The following RIT2 variants were observed in gnomAD, a reference collection of about 807,000 sequenced individuals.
RIT2 encodes the protein Ras like without CAAX 2.
In RIT2, 24 loss-of-function variants were observed where a neutral mutation model predicts 23.7. The observed-to-expected ratio is 1.01, with a 90% CI of 0.73 to 1.43. The LOEUF (loss-of-function observed/expected upper bound fraction) is 1.43, where lower values mean the gene tolerates loss of function less well. Among genes scored for constraint, RIT2 ranks in the 40% most tolerant of loss-of-function variants. The probability of loss-of-function intolerance (pLI) is 0.00; values close to 1 mark genes in which losing one functional copy is unlikely to be tolerated. For missense variants in RIT2, 236 were observed against 266.9 expected (o/e 0.88, Z 0.81); for synonymous variants, 107 against 91.1 (o/e 1.17, Z -0.99).
At chr18:42,855,049 C>A (rs541899302) in intron 4 of RIT2, among the ~76,000 whole-genome samples, 1 of 152,290 alleles carries the variant, frequency 6.6e-6, no homozygotes, top group Non-Finnish European at 1.5e-5. Flanking sequence ...GGAGAGTCAA[C>A]ATCCAACAAT....
At chr18:43,107,416 C>T (rs534343504) in intron 1 of RIT2, among the ~76,000 whole-genome samples, 34 of 152,158 alleles carry the variant, frequency 2.2e-4, no homozygotes, top group African/African-American at 6.5e-4. Context: ...CAGGTCTAGG[C>T]GTGCACGCGT....
At chr18:42,878,702 T>G (rs2144075039) in intron 4 of RIT2, among the ~76,000 whole-genome samples, 1 of 152,084 alleles carries the variant, frequency 6.6e-6, no homozygotes, top group Admixed American at 6.6e-5. Flanking sequence ...AACATTTCGT[T>G]ATTCTTTTGG....
chr18:42,910,728 T>C (rs1008262061), intron 4 of RIT2, among the ~76,000 whole-genome samples: 2 of 152,076 alleles, frequency 1.3e-5, no homozygotes, highest in African/African-American at 4.8e-5. Context: ...ATCTTCCCAC[T>C]CCATCCCCTT....
At chr18:42,978,451 C>A (rs1366450300) in intron 2 of RIT2, among the ~76,000 whole-genome samples, 1 of 151,984 alleles carries the variant, frequency 6.6e-6, no homozygotes, top group Admixed American at 6.6e-5. Context: ...CATTCACTCC[C>A]TTTGAGACCA....
At chr18:42,849,146 T>G (rs551996136) in intron 4 of RIT2, among the ~76,000 whole-genome samples, 1 of 151,658 alleles carries the variant, frequency 6.6e-6, no homozygotes, top group South Asian at 2.1e-4. Flanking sequence ...AGAGCTGAGA[T>G]GTGAACCCAG....
chr18:42,927,123 A>G (rs138502326), intron 3 of RIT2, among the ~76,000 whole-genome samples: 1 of 152,080 alleles, frequency 6.6e-6, no homozygotes, highest in African/African-American at 2.4e-5. Context: ...GCAGAATAGA[A>G]CCTTTCACTG....
intron 4 of RIT2, among the ~76,000 whole-genome samples, chr18:42,922,767 C>T (rs994464527): frequency 1.3e-5 from 2 of 152,100 alleles, no homozygotes; most frequent in Non-Finnish European, 2.9e-5. Context: ...ACAGTTTCTT[C>T]CTTATCAATT....
intron 3 of RIT2, among the ~76,000 whole-genome samples, chr18:42,947,156 G>C (rs926087253): frequency 5.3e-5 from 8 of 152,044 alleles, no homozygotes; most frequent in African/African-American, 1.9e-4. Flanking sequence ...TTAGACATAT[G>C]GATATGGGGA....
At chr18:43,038,817 C>T (rs545341726) in intron 1 of RIT2, among the ~76,000 whole-genome samples, 17 of 151,864 alleles carry the variant, frequency 1.1e-4, no homozygotes, top group Admixed American at 4.6e-4. Flanking sequence ...TTTGTGTCAC[C>T]TTTTTTTCTC....
intron 1 of RIT2, among the ~76,000 whole-genome samples, chr18:43,106,222 AAAG>A (rs922552684): frequency 6.6e-6 from 1 of 152,242 alleles, no homozygotes; most frequent in African/African-American, 2.4e-5. Flanking sequence ...GAAGAAATTG[AAAG>A]AATAATAGTT....
intron 4 of RIT2, among the ~76,000 whole-genome samples, chr18:42,844,720 C>T (rs1485908022): frequency 1.3e-5 from 2 of 152,032 alleles, no homozygotes; most frequent in East Asian, 3.9e-4. Context: ...GGTAAAAAGA[C>T]ATTATTCAGA....
chr18:43,073,524 G>A (rs1912943849), intron 1 of RIT2, among the ~76,000 whole-genome samples: 1 of 152,076 alleles, frequency 6.6e-6, no homozygotes. Context: ...TCTCCACTAT[G>A]CACTGTCTTC....
intron 2 of RIT2, among the ~76,000 whole-genome samples, chr18:43,013,146 A>G (rs923107063): frequency 6.6e-6 from 1 of 151,860 alleles, no homozygotes; most frequent in Non-Finnish European, 1.5e-5. Context: ...GTTGAGTCAT[A>G]TTTTGAAAGG....
chr18:42,754,343 G>C (rs1163792033), intron 4 of RIT2, among the ~76,000 whole-genome samples: 1 of 152,180 alleles, frequency 6.6e-6, no homozygotes, highest in Non-Finnish European at 1.5e-5. Flanking sequence ...AGTGGGGAAA[G>C]GCAAGAGTAG....
intron 2 of RIT2, among the ~76,000 whole-genome samples, chr18:42,999,069 T>C (rs1911049419): frequency 6.6e-6 from 1 of 152,040 alleles, no homozygotes. Context: ...TCTACCTCAG[T>C]GTTTCTCCCT....
chr18:42,961,843 TC>T (rs1910100492), intron 3 of RIT2, among the ~76,000 whole-genome samples: 1 of 152,212 alleles, frequency 6.6e-6, no homozygotes, highest in Non-Finnish European at 1.5e-5. Context: ...TGGAGCAACC[TC>T]CCAAAGTGGT....
intron 4 of RIT2, among the ~76,000 whole-genome samples, chr18:42,866,859 TA>T (rs574644749): frequency 1.3e-5 from 2 of 152,248 alleles, no homozygotes; most frequent in Non-Finnish European, 2.9e-5. Context: ...AAGTCCTCAT[TA>T]TAGAGTCATA....
intron 4 of RIT2, among the ~76,000 whole-genome samples, chr18:42,756,961 C>A (rs1913179663): frequency 6.6e-6 from 1 of 151,812 alleles, no homozygotes; most frequent in Admixed American, 6.6e-5. Context: ...AATTATATAA[C>A]TCTACAATGT....
intron 1 of RIT2, among the ~76,000 whole-genome samples, chr18:43,072,875 A>G (rs977359297): frequency 1.2e-4 from 18 of 152,164 alleles, no homozygotes; most frequent in Non-Finnish European, 2.6e-4. Flanking sequence ...ACACTTTAAC[A>G]CTTACTAGGT....
Sources: allele counts gnomAD v4.1 joint callset (sites outside exome capture counted in the v4.1 genomes callset), GRCh38; gene constraint gnomAD v4.1.1; transcripts MANE v1.5; gene names NCBI Gene and HGNC (gene_info 2026-07-23, HGNC 2026-07-21).